ABHD3: variants seen among roughly 807,000 people sequenced by gnomAD.
ABHD3 encodes phospholipase ABHD3.
Under a neutral mutation model 48.8 loss-of-function variants are expected in ABHD3, and 46 were observed. The ratio of observed to expected loss-of-function variants is 0.94; its 90% CI spans 0.74 to 1.20. The LOEUF is 1.20. Among genes scored for constraint, ABHD3 ranks in the 50% most tolerant of loss-of-function variants. The pLI is 0.00. For synonymous variants in ABHD3, 192 were observed against 183.7 expected (o/e 1.04, Z -0.36); for missense variants, 490 against 497.8 (o/e 0.98, Z 0.15).
At chr18:21,668,157 C>T (rs11660450) in intron 4 of ABHD3, among the ~76,000 whole-genome samples, 23,457 of 141,134 alleles carry the variant, frequency 0.17, 2,092 homozygotes, top group Middle Eastern at 0.3. Flanking sequence ...GCCGAGATCA[C>T]ACCACTGCAC....
intron 4 of ABHD3, among the ~76,000 whole-genome samples, chr18:21,665,485 C>T (rs191162507): frequency 1.6e-4 from 24 of 152,098 alleles, no homozygotes; most frequent in African/African-American, 5.8e-4. Flanking sequence ...AGTAATCCTC[C>T]CATCTTGGCC....
At chr18:21,676,611 G>A (rs1258502864) in intron 4 of ABHD3, among the ~76,000 whole-genome samples, 1 of 152,110 alleles carries the variant, frequency 6.6e-6, no homozygotes, top group Non-Finnish European at 1.5e-5. Context: ...GGCTGGTCTC[G>A]AACTCCTGGC....
intron 3 of ABHD3, among the ~76,000 whole-genome samples, chr18:21,690,245 G>A (rs1260336498): frequency 6.6e-6 from 1 of 151,858 alleles, no homozygotes; most frequent in East Asian, 1.9e-4. Context: ...CATAGGATAA[G>A]AGGAAAAAGG....
chr18:21,658,307 G>C (rs1421286870), intron 6 of ABHD3, among the ~76,000 whole-genome samples: 1 of 152,164 alleles, frequency 6.6e-6, no homozygotes, highest in Non-Finnish European at 1.5e-5. Flanking sequence ...TGAGGGCTGA[G>C]ATTATCTAAG....
chr18:21,654,713 G>A (rs1189666865), intron 8 of ABHD3, among the ~76,000 whole-genome samples: 2 of 152,196 alleles, frequency 1.3e-5, no homozygotes, highest in African/African-American at 4.8e-5. Flanking sequence ...TTCTAACAGA[G>A]AGTTACAGTC....
At chr18:21,695,499 T>C (rs2040350099) in intron 3 of ABHD3, among the ~76,000 whole-genome samples, 1 of 152,220 alleles carries the variant, frequency 6.6e-6, no homozygotes, top group Admixed American at 6.5e-5. Context: ...TGGCTACTGC[T>C]GAAGCATCCA....
chr18:21,656,681 CTAGAT>C (rs1346472928), intron 8 of ABHD3, among the ~76,000 whole-genome samples, 175 bp downstream of exon 8: 1 of 152,056 alleles, frequency 6.6e-6, no homozygotes, highest in Non-Finnish European at 1.5e-5. Flanking sequence ...TCACAATGGA[CTAGAT>C]AAGGGTCTGT....
At position 21,656,777 on chromosome 18, in the gene ABHD3, TTTC is replaced by T. The variant is rs561954811; in HGVS notation, c.1057+81_1057+83del. On this transcript the variant is annotated intron_variant, in intron 8 of 8. Coordinates refer to ENST00000289119, the MANE Select transcript of ABHD3 (RefSeq NM_138340.5). ...TTTTATCATAATGGAAATGACACAT[TTTC>T]TTATTACTATATTTCCTTAAAAATA... 7.2e-4 allele frequency: 916 copies of T among 1,267,484 alleles called. 5 individuals carry two copies. In the African/African-American group the frequency reaches 0.012, roughly 17 times the overall value. 78.5% of individuals were successfully genotyped at this position (1,267,484 alleles called of 1,614,324 possible). A position where few individuals can be genotyped will look rare whatever the true frequency, so the allele number is the denominator to read the frequency against.
At chr18:21,678,942 C>T (rs1392347253) in intron 4 of ABHD3, among the ~76,000 whole-genome samples, 1 of 152,168 alleles carries the variant, frequency 6.6e-6, no homozygotes, top group Non-Finnish European at 1.5e-5. Context: ...ATTTCTACTT[C>T]CTTATTCTCC....
Position 21,651,416 on chromosome 18 carries a change from T to C in ABHD3, c.*175A>G. On this transcript the variant is annotated 3_prime_UTR_variant, in exon 9 of 9. Coordinates refer to ENST00000289119, the MANE Select transcript of ABHD3 (RefSeq NM_138340.5). ...AGTAACAATCTAATACTATATTTAA[T>C]TTGTTGCTACAAAGTTGTTTTGTTT... 5.1e-6 allele frequency: 3 copies of C among 590,068 alleles called. No individual in the cohort carries two copies. In the South Asian group the frequency reaches 8.1e-5, roughly 16 times the overall value. The allele number at this position is 590,068 out of a possible 1,614,324, so 36.6% of individuals were successfully genotyped here. A position where few individuals can be genotyped will look rare whatever the true frequency, so the allele number is the denominator to read the frequency against.
chr18:21,679,823 C>A (rs2039967299), intron 4 of ABHD3, among the ~76,000 whole-genome samples: 2 of 151,966 alleles, frequency 1.3e-5, no homozygotes, highest in Admixed American at 6.6e-5. Flanking sequence ...CCGCGCCTGG[C>A]CTATTTTTAT....
intron 4 of ABHD3, among the ~76,000 whole-genome samples, chr18:21,674,920 G>GTGGGGTGGAGGAACTGGAGGGA (rs1188907870): frequency 1.3e-5 from 2 of 151,958 alleles, no homozygotes; most frequent in African/African-American, 4.8e-5. Flanking sequence ...CCACAGTGGG[G>GTGGGGTGGAGGAACTGGAGGGA]TGGGGTGGAG....
intron 4 of ABHD3, among the ~76,000 whole-genome samples, chr18:21,675,328 G>C (rs1021738613): frequency 4.1e-5 from 6 of 147,562 alleles, no homozygotes; most frequent in Non-Finnish European, 7.4e-5. Flanking sequence ...GAGTGCAGTG[G>C]CATGATCTCG....
At chr18:21,679,332 G>A (rs977900782) in intron 4 of ABHD3, among the ~76,000 whole-genome samples, 2 of 151,882 alleles carry the variant, frequency 1.3e-5, no homozygotes, top group Non-Finnish European at 2.9e-5. Context: ...CTCATTTTTT[G>A]ATCCAACTCA....
At chr18:21,671,257 G>T (rs1252932419) in intron 4 of ABHD3, among the ~76,000 whole-genome samples, 1 of 152,124 alleles carries the variant, frequency 6.6e-6, no homozygotes, top group African/African-American at 2.4e-5. Flanking sequence ...CAACTATGCA[G>T]TTCTATCGCA....
chr18:21,651,804 A>C, intron 8 of ABHD3, 41 bp from the exon 9 acceptor site: 1 of 1,479,104 alleles, frequency 6.8e-7, no homozygotes, highest in African/African-American at 1.4e-5. Context: ...GAGAAGAAGG[A>C]GAGAGAAAAA....
rs539957868 is a variant in ABHD3 at position 21,661,415 on chromosome 18, A to C, written c.669-2072T>G. ...CACTTTGGGAGGCTGAGGCAGGCAG[A>C]TCATGAGGTCAGGAGTTTGAGCCAG... On this transcript the variant is annotated intron_variant, in intron 5 of 8. Coordinates refer to ENST00000289119, the MANE Select transcript of ABHD3 (RefSeq NM_138340.5). Among the ~76,000 whole-genome samples, 3 of 152,202 alleles carry C rather than the reference A, an allele frequency of 2.0e-5. No homozygotes were observed. In the East Asian group the frequency reaches 5.8e-4, roughly 30 times the overall value.
intron 3 of ABHD3, among the ~76,000 whole-genome samples, chr18:21,687,503 A>G (rs1438079605): frequency 2.0e-5 from 3 of 151,958 alleles, no homozygotes; most frequent in African/African-American, 7.3e-5. Flanking sequence ...GAGCCACCAC[A>G]CCCAGCCGCC....
At chr18:21,672,866 T>C (rs946457041) in intron 4 of ABHD3, among the ~76,000 whole-genome samples, 1 of 147,046 alleles carries the variant, frequency 6.8e-6, no homozygotes, top group African/African-American at 2.6e-5. Flanking sequence ...TAAATGACCA[T>C]TGTCTAAATT....
Sources: allele counts gnomAD v4.1 joint callset (sites outside exome capture counted in the v4.1 genomes callset), GRCh38; gene constraint gnomAD v4.1.1; transcripts MANE v1.5; gene names NCBI Gene and HGNC (gene_info 2026-07-23, HGNC 2026-07-21).